The following ITSN2 variants were observed in gnomAD, a reference collection of about 807,000 sequenced individuals.
ITSN2 encodes the protein intersectin 2, also known as intersectin-2.
Under a neutral mutation model 243.7 loss-of-function variants are expected in ITSN2, and 156 were observed. The observed-to-expected ratio is 0.64, with a 90% CI of 0.56 to 0.73. ITSN2 has a LOEUF of 0.73. Among genes scored for constraint, ITSN2 ranks in the 30% least tolerant of loss-of-function variants. The pLI is 0.00. For synonymous variants in ITSN2, 703 were observed against 699.9 expected, an observed-to-expected ratio of 1.00 and a Z score of -0.07; for missense variants, 1,801 against 1,996.1, an observed-to-expected ratio of 0.90 and a Z score of 1.86.
chr2:24,320,752 A>G (rs1046366200), intron 2 of ITSN2, among the ~76,000 whole-genome samples: 3 of 147,604 alleles, frequency 2.0e-5, no homozygotes, highest in Admixed American at 1.4e-4. Flanking sequence ...AAAAAAAAAC[A>G]AAAAAACATT....
At chr2:24,302,358 C>T (rs1157798173) in intron 9 of ITSN2, among the ~76,000 whole-genome samples, 2 of 152,038 alleles carry the variant, frequency 1.3e-5, no homozygotes, top group Non-Finnish European at 2.9e-5. Context: ...GCCACCACGC[C>T]TGGCTAATTT....
chr2:24,212,506 C>T (rs1669582851), intron 33 of ITSN2, 144 bp downstream of exon 33: 2 of 608,462 alleles, frequency 3.3e-6, no homozygotes, highest in Non-Finnish European at 5.7e-6. Context: ...CATCTGGTCC[C>T]CGGGACAGTG....
chr2:24,204,149 G>A lies in ITSN2; in HGVS notation c.4936+96C>T. 8.3e-7 allele frequency: 1 copy of A among 1,204,050 alleles called. No individual in the cohort carries two copies. Among genetic ancestry groups the A allele is most frequent in the Middle Eastern group, 2.9e-4 (1 of 3,472 alleles). The allele number at this position is 1,204,050 out of a possible 1,614,324, so 74.6% of individuals were successfully genotyped here. ...AGGCCTGTGTCACTTCCCTGAAGTGGCATGGGGTCTGCACACAGCTGAAGC... is the reference window on the plus strand; with the variant it reads ...AGGCCTGTGTCACTTCCCTGAAGTGACATGGGGTCTGCACACAGCTGAAGC... On this transcript the variant is annotated intron_variant, in intron 39 of 39. Transcript: ENST00000355123. This position sits in a 1 kb window ranked among gnomAD's most constrained non-coding sequence, Gnocchi z 5.1.
At position 24,301,203 on chromosome 2, in the gene ITSN2, C is replaced by T. The variant is rs1393198151; in HGVS notation, c.1032G>A (p.Leu344=). Reference sequence around the variant, plus strand: ...CTTCTTGCATTTTCTGATATGAAGGCAGAGTTCCATTAATGGAATCAATTT... The same window carrying T: ...CTTCTTGCATTTTCTGATATGAAGGTAGAGTTCCATTAATGGAATCAATTT... ...GKQIDSINGT[L]PSYQKMQEEE... is the part of the protein sequence containing the mutation. The change falls in exon 11 of 40, where the codon CTG becomes CTA. Residue 344 remains leucine (L), a synonymous_variant. Coordinates refer to ENST00000355123, the MANE Select transcript of ITSN2 (RefSeq NM_006277.3). 1 of 1,608,948 alleles carries T rather than the reference C, an allele frequency of 6.2e-7. No individual in the cohort carries two copies.
chr2:24,332,977 T>C (rs1008342177), intron 1 of ITSN2, among the ~76,000 whole-genome samples: 5 of 152,228 alleles, frequency 3.3e-5, no homozygotes, highest in African/African-American at 1.2e-4. Flanking sequence ...TGTAGACTTA[T>C]CTACCAGGTG....
intron 17 of ITSN2, among the ~76,000 whole-genome samples, chr2:24,277,824 G>A (rs1247132558): frequency 6.6e-6 from 1 of 152,128 alleles, no homozygotes; most frequent in African/African-American, 2.4e-5. Context: ...TAGCTGATGA[G>A]CTAAAAATAA....
chr2:24,292,052 T>C (rs917867684), intron 15 of ITSN2, among the ~76,000 whole-genome samples: 11 of 152,062 alleles, frequency 7.2e-5, no homozygotes, highest in African/African-American at 2.4e-5. Flanking sequence ...TTGTAAAGAT[T>C]AAAGGAAAGA....
intron 1 of ITSN2, among the ~76,000 whole-genome samples, chr2:24,338,623 T>C (rs1346406973): frequency 6.6e-6 from 1 of 152,260 alleles, no homozygotes. Flanking sequence ...AGAATACATA[T>C]ATTCTCCACC....
chr2:24,352,787 G>C (rs184996997), intron 1 of ITSN2, among the ~76,000 whole-genome samples: 1 of 152,242 alleles, frequency 6.6e-6, no homozygotes, highest in Admixed American at 6.5e-5. Context: ...CAACAACTCT[G>C]AACAAGACAA....
At chr2:24,329,725 TA>T (rs1395492005) in intron 1 of ITSN2, among the ~76,000 whole-genome samples, 1 of 152,228 alleles carries the variant, frequency 6.6e-6, no homozygotes, top group Non-Finnish European at 1.5e-5. Flanking sequence ...CCAAATCATT[TA>T]AATATTAATA....
At chr2:24,330,690 T>C (rs1685684126) in intron 1 of ITSN2, 1 of 702,618 alleles carries the variant, frequency 1.4e-6, no homozygotes, top group East Asian at 2.8e-5. Flanking sequence ...GTGTATTTTT[T>C]ATAACTGTGT....
At chr2:24,250,348 A>AT (rs913878851) in intron 25 of ITSN2, among the ~76,000 whole-genome samples, 39 of 152,294 alleles carry the variant, frequency 2.6e-4, no homozygotes, top group Admixed American at 4.6e-4. Flanking sequence ...AGCTGGCAGG[A>AT]TTTTTTGCCA....
intron 19 of ITSN2, among the ~76,000 whole-genome samples, chr2:24,271,232 A>T (rs1204137407): frequency 1.3e-5 from 2 of 152,200 alleles, no homozygotes; most frequent in Non-Finnish European, 2.9e-5. Flanking sequence ...TTCTAAAAGG[A>T]AAACAGTGGA....
chr2:24,334,671 T>C, intron 1 of ITSN2: 8 of 1,555,172 alleles, frequency 5.1e-6, no homozygotes, highest in Non-Finnish European at 6.1e-6. Context: ...CAAACTAAGC[T>C]GATTTTCCAG....
chr2:24,261,720 T>C lies in ITSN2; in HGVS notation c.2378A>G (p.Glu793Gly). 3.1e-6 allele frequency: 5 copies of C among 1,612,520 alleles called. No homozygotes were observed. The highest frequency in any genetic ancestry group is 3.4e-6 in the Non-Finnish European group (4 of 1,179,432). ...AAAACTACCATAAAGCCAACCAGGT[T>C]CTCCTACGGTTTTTTCATCAACCTA... The part of the protein sequence containing the change: ...IIQVDEKTVG[E>G]PGWLYGSFQG... The change falls in exon 21 of 40, where the codon GAA becomes GGA. Residue 793 changes from glutamate (E) to glycine (G), a missense_variant. Around this residue, in one of 5 missense-constraint regions of ITSN2, gnomAD observed 787 missense variants for 803.9 expected, o/e 0.98. Coordinates refer to ENST00000355123, the MANE Select transcript of ITSN2 (RefSeq NM_006277.3).
At chr2:24,343,680 C>G (rs1401498226) in intron 1 of ITSN2, among the ~76,000 whole-genome samples, 2 of 152,056 alleles carry the variant, frequency 1.3e-5, no homozygotes, top group Non-Finnish European at 2.9e-5. Context: ...TGGACTTTAC[C>G]TATAAAGTCT....
chr2:24,296,757 T>C (rs1259137616), intron 13 of ITSN2, among the ~76,000 whole-genome samples: 1 of 152,184 alleles, frequency 6.6e-6, no homozygotes, highest in Non-Finnish European at 1.5e-5. Context: ...CCTACCAAAC[T>C]AATACAGTGG....
chr2:24,340,403 C>T (rs1189001806), intron 1 of ITSN2, among the ~76,000 whole-genome samples: 1 of 151,940 alleles, frequency 6.6e-6, no homozygotes, highest in African/African-American at 2.4e-5. Flanking sequence ...ATCGCTTGAA[C>T]CCGGGGGGTG....
At chr2:24,326,407 T>C (rs1685161418) in intron 2 of ITSN2, among the ~76,000 whole-genome samples, 1 of 152,212 alleles carries the variant, frequency 6.6e-6, no homozygotes, top group African/African-American at 2.4e-5. Flanking sequence ...TGTACTGCTT[T>C]ATGTTCATTT....
Sources: gnomAD v4.1 joint callset for allele counts (sites outside exome capture counted in the v4.1 genomes callset) on GRCh38, gnomAD v4.1.1 for gene constraint, gnomAD v4.1.1 regional missense constraint, Gnocchi (gnomAD v3.1) non-coding constraint, MANE v1.5 for transcripts, NCBI Gene and HGNC (gene_info 2026-07-23, HGNC 2026-07-21) for gene names.